Variants in EXOC6B observed in about 807,000 individuals in gnomAD.
The protein encoded by EXOC6B is exocyst complex component 6B.
In EXOC6B, 54 loss-of-function variants were observed where a neutral mutation model predicts 113.5. The observed-to-expected ratio is 0.48, with a 90% CI of 0.38 to 0.60. The LOEUF (loss-of-function observed/expected upper bound fraction) is 0.60. Ranked by LOEUF, EXOC6B falls within the 20% of genes least tolerant of loss-of-function variation. The pLI is 0.00. For missense variants in EXOC6B, 797 were observed against 977.5 expected (o/e 0.82, Z 2.46); for synonymous variants, 357 against 339.0 (o/e 1.05, Z -0.58).
At chr2:72,267,563 G>T (rs1684210381) in intron 20 of EXOC6B, among the ~76,000 whole-genome samples, 1 of 152,110 alleles carries the variant, frequency 6.6e-6, no homozygotes, top group Non-Finnish European at 1.5e-5. Flanking sequence ...TACATTTATT[G>T]ATTTGCGTAT....
chr2:72,262,841 T>C (rs1331508889), intron 20 of EXOC6B, among the ~76,000 whole-genome samples: 1 of 152,126 alleles, frequency 6.6e-6, no homozygotes, highest in Non-Finnish European at 1.5e-5. Context: ...ACAAAAGGCA[T>C]TGAGAATTCA....
At chr2:72,462,184 G>T (rs1456648708) in intron 18 of EXOC6B, 3 of 152,046 alleles carry the variant, frequency 2.0e-5, no homozygotes, top group Non-Finnish European at 4.4e-5. Flanking sequence ...AAATTGACTT[G>T]CTAAGTAGCT....
At chr2:72,656,591 A>T (rs1674591843) in intron 6 of EXOC6B, among the ~76,000 whole-genome samples, 1 of 152,190 alleles carries the variant, frequency 6.6e-6, no homozygotes, top group Non-Finnish European at 1.5e-5. Context: ...TTTATTTGAA[A>T]AACACAGCTA....
chr2:72,305,368 ATATGTG>A, intron 20 of EXOC6B, among the ~76,000 whole-genome samples: 1 of 148,952 alleles, frequency 6.7e-6, no homozygotes, highest in South Asian at 2.1e-4. Flanking sequence ...ATGTATATGT[ATATGTG>A]TATGTATATG....
chr2:72,825,776 G>T lies in EXOC6B; in HGVS notation c.113+22C>A. Reference sequence around the variant, plus strand: ...CCGTCCCGCCCGTTCCCGCCCCTCTGTGGTCCCGGCACCCGGGGTACCTGA... The same window carrying T: ...CCGTCCCGCCCGTTCCCGCCCCTCTTTGGTCCCGGCACCCGGGGTACCTGA... On this transcript the variant is annotated intron_variant, in intron 1 of 21. Transcript: ENST00000272427. This position sits in a 1 kb window ranked among gnomAD's most constrained non-coding sequence, Gnocchi z 4.4. 6.2e-7 allele frequency: 1 copy of T among 1,609,124 alleles called. No homozygotes were observed. The highest frequency in any genetic ancestry group is 2.2e-5 in the East Asian group (1 of 44,830).
rs1231361738 is a variant in EXOC6B, at chr2:72,176,028, TAA to T, written c.*3305_*3306del. 1.3e-5 allele frequency: 2 copies of T among 152,218 alleles called. No homozygotes were observed. The highest frequency in any genetic ancestry group is 4.8e-5 in the African/African-American group (2 of 41,446). The allele number at this position is 152,218 out of a possible 1,614,324, so 9.4% of individuals were successfully genotyped here. On this transcript the variant is annotated 3_prime_UTR_variant, in exon 22 of 22. Coordinates refer to ENST00000272427, the MANE Select transcript of EXOC6B (RefSeq NM_015189.3). ...GTAGGCTTTCTTGTTTAATAGCAGT[TAA>T]AAGAGGAAAATGTACAAGAGGAATA...
intron 6 of EXOC6B, among the ~76,000 whole-genome samples, chr2:72,600,150 G>C (rs1477053934): frequency 6.6e-6 from 1 of 152,006 alleles, no homozygotes; most frequent in East Asian, 1.9e-4. Context: ...TACTATAAAA[G>C]GTAAAACTGG....
At chr2:72,447,071 T>G (rs1696625097) in intron 18 of EXOC6B, among the ~76,000 whole-genome samples, 1 of 151,834 alleles carries the variant, frequency 6.6e-6, no homozygotes, top group Middle Eastern at 3.2e-3. Flanking sequence ...ACCACTGCAC[T>G]CTAGTCTGGC....
chr2:72,436,563 A>G (rs1695884268), intron 18 of EXOC6B, among the ~76,000 whole-genome samples: 1 of 151,354 alleles, frequency 6.6e-6, no homozygotes, highest in Non-Finnish European at 1.5e-5. Flanking sequence ...GTCTTTTCAC[A>G]TTGTCCTGTA....
At chr2:72,647,449 A>G (rs565181737) in intron 6 of EXOC6B, among the ~76,000 whole-genome samples, 39 of 152,274 alleles carry the variant, frequency 2.6e-4, no homozygotes, top group African/African-American at 9.1e-4. Flanking sequence ...ATATGGAACC[A>G]AAAAAACAGC....
At chr2:72,648,804 A>G (rs1673939164) in intron 6 of EXOC6B, among the ~76,000 whole-genome samples, 1 of 9,990 alleles carries the variant, frequency 1.0e-4, no homozygotes, top group Non-Finnish European at 1.7e-4. Context: ...CAGGCACAGA[A>G]AGAAAAATGT....
chr2:72,624,791 C>T (rs1671950850), intron 6 of EXOC6B, among the ~76,000 whole-genome samples: 1 of 152,018 alleles, frequency 6.6e-6, no homozygotes, highest in Admixed American at 6.6e-5. Flanking sequence ...TTATATAGTA[C>T]CTACCACTAG....
intron 1 of EXOC6B, among the ~76,000 whole-genome samples, chr2:72,796,233 A>T (rs915679774): frequency 6.6e-6 from 1 of 150,418 alleles, no homozygotes. Context: ...CGGGTGGATC[A>T]CCTGAGGTCA....
At chr2:72,743,709 G>A (rs1357140936) in intron 1 of EXOC6B, among the ~76,000 whole-genome samples, 2 of 152,174 alleles carry the variant, frequency 1.3e-5, no homozygotes, top group Non-Finnish European at 2.9e-5. Context: ...AGTAAAGAAT[G>A]ACTAACACTA....
chr2:72,513,291 T>A, intron 10 of EXOC6B, 39 bp from the exon 11 acceptor site: 4 of 1,609,292 alleles, frequency 2.5e-6, no homozygotes, highest in Non-Finnish European at 3.4e-6. Flanking sequence ...CTGTCAGAAA[T>A]TACAGTTTTA....
chr2:72,404,995 T>A lies in EXOC6B; in HGVS notation c.1981-25125A>T, dbSNP rs529565379. ...ACGAATGGCTAACTAGAATAACCAA[T>A]GCAGAGAAGTCCTTAAAGGACCTGA... On this transcript the variant is annotated intron_variant, in intron 18 of 21. Coordinates refer to ENST00000272427, the MANE Select transcript of EXOC6B (RefSeq NM_015189.3). Among the ~76,000 whole-genome samples, 58 of 151,870 alleles carry A rather than the reference T, an allele frequency of 3.8e-4. 1 individual carries two copies. The highest frequency in any genetic ancestry group is 1.4e-3 in the African/African-American group (58 of 41,408).
intron 20 of EXOC6B, among the ~76,000 whole-genome samples, chr2:72,258,141 ACT>A (rs1683467376): frequency 6.6e-6 from 1 of 151,960 alleles, no homozygotes; most frequent in Non-Finnish European, 1.5e-5. Flanking sequence ...TTCTTTTTAA[ACT>A]CTCAGACTAG....
Position 72,741,317 on chromosome 2 carries a change from G to A in EXOC6B, c.266C>T (p.Ala89Val). 6.2e-7 allele frequency: 1 copy of A among 1,611,818 alleles called. No homozygotes were observed. Among genetic ancestry groups the A allele is most frequent in the Middle Eastern group, 1.7e-4 (1 of 6,044 alleles). ...ITELLKVRGE[A>V]QKLKNQVTDT... is the part of the protein sequence containing the mutation. ...GAGCCTTCTTACTTTGAGTTTCTGG[G>A]CTTCTCCTCTCACTTTCAGCAGTTC... The change falls in exon 2 of 22, where the codon GCC becomes GTC. Residue 89 changes from alanine (A) to valine (V), a missense_variant. Ala to Val is a moderately conservative substitution (Grantham distance 64). Coordinates refer to ENST00000272427, the MANE Select transcript of EXOC6B (RefSeq NM_015189.3).
At chr2:72,420,315 G>A (rs1395837046) in intron 18 of EXOC6B, among the ~76,000 whole-genome samples, 1 of 152,030 alleles carries the variant, frequency 6.6e-6, no homozygotes, top group Non-Finnish European at 1.5e-5. Context: ...GTATACACGT[G>A]CCATAGTGGA....
Sources: allele counts gnomAD v4.1 joint callset (sites outside exome capture counted in the v4.1 genomes callset), GRCh38; gene constraint gnomAD v4.1.1; non-coding constraint Gnocchi (gnomAD v3.1); transcripts MANE v1.5; gene names NCBI Gene and HGNC (gene_info 2026-07-23, HGNC 2026-07-21).